The following NKD1 variants were observed in gnomAD, a reference collection of about 807,000 sequenced individuals.
The protein encoded by NKD1 is NKD inhibitor of Wnt signaling pathway 1.
Under a neutral mutation model 56.0 loss-of-function variants are expected in NKD1, and 21 were observed. The observed-to-expected ratio is 0.38, with a 90% confidence interval of 0.27 to 0.54. The LOEUF is 0.54. Among genes scored for constraint, NKD1 ranks in the 20% least tolerant of loss-of-function variants. The pLI is 0.82. For missense variants in NKD1, 578 were observed against 642.7 expected, an observed-to-expected ratio of 0.90 and a Z score of 1.09; for synonymous variants, 263 against 265.7, an observed-to-expected ratio of 0.99 and a Z score of 0.10.
chr16:50,562,328 A>ATAGG, intron 3 of NKD1: 1 of 954,942 alleles, frequency 1.0e-6, no homozygotes, highest in Non-Finnish European at 1.2e-6. Flanking sequence ...AGGTGCATAG[A>ATAGG]GAAAGATCTG....
chr16:50,596,481 T>A (rs1596729244), intron 3 of NKD1, among the ~76,000 whole-genome samples: 1 of 152,088 alleles, frequency 6.6e-6, no homozygotes, highest in Non-Finnish European at 1.5e-5. Flanking sequence ...CCGGGCACCA[T>A]TTCTGGGAGC....
intron 3 of NKD1, among the ~76,000 whole-genome samples, chr16:50,560,785 AT>A (rs1596705650): frequency 6.6e-6 from 1 of 152,050 alleles, no homozygotes; most frequent in East Asian, 1.9e-4. Context: ...GTTAAAAAAA[AT>A]GTATACACAC....
Position 50,549,456 on chromosome 16 carries a change from G to T in NKD1, c.93G>T (p.Arg31=). Residue 31 remains arginine, a synonymous_variant, in exon 3 of 10, where the codon CGG becomes CGT. Transcript: ENST00000268459. ...DSFAVSAAWA[R]KGIEEWIGRQ... ...TCGCCGTGAGCGCTGCCTGGGCTCG[G>T]AAGGGCATCGAGGAGTGGATCGGGA... is the stretch of plus-strand genomic sequence containing the variant. 1 of 1,611,448 alleles carries T rather than the reference G, an allele frequency of 6.2e-7. No homozygotes were observed. Among genetic ancestry groups the T allele is most frequent in the South Asian group, 1.1e-5 (1 of 90,958 alleles).
intron 4 of NKD1, among the ~76,000 whole-genome samples, chr16:50,608,857 T>C (rs533096032): frequency 3.9e-5 from 6 of 152,334 alleles, no homozygotes; most frequent in South Asian, 2.1e-4. Flanking sequence ...AGATGGGGTC[T>C]TGCTCTGTCA....
At chr16:50,592,220 C>T (rs921120627) in intron 3 of NKD1, among the ~76,000 whole-genome samples, 7 of 152,188 alleles carry the variant, frequency 4.6e-5, no homozygotes, top group Admixed American at 3.3e-4. Context: ...AAGGCCAGCG[C>T]GTTGCTGCTG....
chr16:50,571,805 A>G (rs1278859354), intron 3 of NKD1, among the ~76,000 whole-genome samples: 3 of 151,976 alleles, frequency 2.0e-5, no homozygotes, highest in East Asian at 1.9e-4. Context: ...GCAGAACCCA[A>G]TGAGATCCAC....
In NKD1 at chr16:50,621,625, G is replaced by A. The variant is rs1431782059; in HGVS notation, c.283G>A (p.Asp95Asn). The A allele has an allele frequency of 6.2e-7, 1 of 1,613,930 alleles. No homozygotes were observed. Among genetic ancestry groups the A allele is most frequent in the Admixed American group, 1.7e-5 (1 of 60,000 alleles). Residue 95 changes from aspartate (D) to asparagine (N), a missense_variant, in exon 5 of 10, where the codon GAC (aspartate) becomes AAC (asparagine). By Grantham distance (23) the Asp-to-Asn change is conservative. Transcript: ENST00000268459. ...LEVALPPEKT[D>N]GLGSGDEKKM... ...AGTGGCCCTGCCTCCTGAGAAGACT[G>A]ACGGGCTGGGCAGCGGAGATGAGAA...
At chr16:50,619,371 G>A (rs548144220) in intron 4 of NKD1, among the ~76,000 whole-genome samples, 16 of 152,140 alleles carry the variant, frequency 1.1e-4, no homozygotes, top group African/African-American at 3.1e-4. Context: ...ACTGCGTGCC[G>A]GCCACTGTGC....
At chr16:50,576,746 C>CTT (rs55799406) in intron 3 of NKD1, among the ~76,000 whole-genome samples, 1,759 of 144,310 alleles carry the variant, frequency 0.012, 26 homozygotes, top group African/African-American at 0.031. Flanking sequence ...CAATAAAGTG[C>CTT]TTTTTTTTTT....
intron 4 of NKD1, among the ~76,000 whole-genome samples, chr16:50,616,565 C>A (rs751880697): frequency 6.6e-6 from 1 of 152,170 alleles, no homozygotes; most frequent in Non-Finnish European, 1.5e-5. Flanking sequence ...GCAGGCCTGG[C>A]GGAATCTCTG....
intron 8 of NKD1, 24 bp downstream of exon 8, chr16:50,630,934 G>A: frequency 6.5e-7 from 1 of 1,541,652 alleles, no homozygotes. Context: ...GTGCACATGA[G>A]CATATGTTGA....
Position 50,648,438 on chromosome 16 carries a change from G to A in NKD1, c.*14657G>A, listed in dbSNP as rs141479072. 6.5e-6 allele frequency: 1 copy of A among 152,728 alleles called. No individual in the cohort carries two copies. Among genetic ancestry groups the A allele is most frequent in the African/African-American group, 2.4e-5 (1 of 41,582 alleles). The allele number at this position is 152,728 out of a possible 1,614,324, so 9.5% of individuals were successfully genotyped here. ...CTCAGAATCAAGGGTTCTGGGGTCA[G>A]ATGGATAATTGCCATCATCCTCACC... On this transcript the variant is annotated 3_prime_UTR_variant, in exon 10 of 10. Transcript: ENST00000268459.
intron 3 of NKD1, among the ~76,000 whole-genome samples, chr16:50,567,005 GC>G (rs34109432): frequency 8.9e-4 from 132 of 147,584 alleles, no homozygotes; most frequent in East Asian, 5.1e-3. Flanking sequence ...AGTTTTTATG[GC>G]CCCCCCCCTT....
At position 50,633,081 on chromosome 16, in the gene NKD1, G is replaced by A. The variant is rs147912373; in HGVS notation, c.824-111G>A. 1,200 of 974,638 alleles carry A rather than the reference G, an allele frequency of 1.2e-3. 11 individuals are homozygous for A. In the African/African-American group the frequency reaches 0.019, roughly 15 times the overall value. The allele number at this position is 974,638 out of a possible 1,614,324, so 60.4% of individuals were successfully genotyped here. The stretch of plus-strand genomic sequence containing the variant: ...GGCAGTGAGGGGCAGTCAGGGCATT[G>A]GGGGGTAGCTCTGGTTTTGGAGAAC... On this transcript the variant is annotated intron_variant, in intron 9 of 9. Coordinates refer to ENST00000268459, the MANE Select transcript of NKD1 (RefSeq NM_033119.5). This position sits in a 1 kb window ranked among gnomAD's most constrained non-coding sequence, Gnocchi z 4.9.
chr16:50,548,938 G>C, intron 2 of NKD1, 189 bp downstream of exon 2: 3 of 895,478 alleles, frequency 3.4e-6, no homozygotes, highest in Non-Finnish European at 3.8e-6. Flanking sequence ...CCCGCTCCCC[G>C]CGGTCCTGCG....
chr16:50,608,575 G>C (rs556949944), intron 4 of NKD1: 7 of 588,638 alleles, frequency 1.2e-5, no homozygotes, highest in Non-Finnish European at 2.2e-5. Flanking sequence ...GTGGGGGTCC[G>C]GTCACCTAGG....
In NKD1 at chr16:50,590,818, T is replaced by G. The variant is rs187657845; in HGVS notation, c.193-17476T>G. Among the ~76,000 whole-genome samples, 899 of 152,188 alleles carry G rather than the reference T, an allele frequency of 5.9e-3. 19 individuals carry two copies. The highest frequency in any genetic ancestry group is 5.5e-3 in the Non-Finnish European group (374 of 68,002). On this transcript the variant is annotated intron_variant, in intron 3 of 9. Transcript: ENST00000268459. ...GTGGCCATTAGCATTAAGCCTTTTT[T>G]TTGTTGTTGTTGTTGTTGAGATGGA...
intron 3 of NKD1, among the ~76,000 whole-genome samples, chr16:50,550,069 A>T (rs1011985054): frequency 2.0e-5 from 3 of 151,962 alleles, no homozygotes; most frequent in African/African-American, 7.3e-5. Flanking sequence ...GGGGACTGAG[A>T]CCTGGAAGAC....
rs193070744 is a variant in NKD1 at position 50,627,341 on chromosome 16, A to G, written c.462+1761A>G. 1.4e-4 allele frequency among the ~76,000 whole-genome samples: 22 copies of G among 152,262 alleles called. No homozygotes were observed. In the East Asian group the frequency reaches 4.1e-3, roughly 28 times the overall value. The stretch of plus-strand genomic sequence containing the variant: ...GGCAGACTCTCCCCTTGGCAGTAGC[A>G]AGATGATTGCTGACAGTTTCAACCT... On this transcript the variant is annotated intron_variant, in intron 6 of 9. Coordinates refer to ENST00000268459, the MANE Select transcript of NKD1 (RefSeq NM_033119.5).
Sources: gnomAD v4.1 joint callset for allele counts (sites outside exome capture counted in the v4.1 genomes callset) on GRCh38, gnomAD v4.1.1 for gene constraint, Gnocchi (gnomAD v3.1) non-coding constraint, MANE v1.5 for transcripts, NCBI Gene and HGNC (gene_info 2026-07-23, HGNC 2026-07-21) for gene names.